The following IGSF21 variants were observed in gnomAD, a reference collection of about 807,000 sequenced individuals.
The protein encoded by IGSF21 is immunoglobin superfamily member 21, also known as immunoglobulin superfamily member 21.
A neutral mutation model predicts 46.8 loss-of-function variants in IGSF21; 28 were observed. The ratio of observed to expected loss-of-function variants is 0.60; its 90% CI spans 0.44 to 0.82. The LOEUF (loss-of-function observed/expected upper bound fraction) is 0.82, where lower values mean the gene tolerates loss of function less well. Ranked by LOEUF, IGSF21 falls within the 40% of genes least tolerant of loss-of-function variation. The pLI, the probability that IGSF21 is intolerant of heterozygous loss-of-function variation, is 0.00. For missense variants in IGSF21, 624 were observed against 665.5 expected (o/e 0.94, Z 0.69); for synonymous variants, 284 against 273.6 (o/e 1.04, Z -0.38).
intron 3 of IGSF21, among the ~76,000 whole-genome samples, chr1:18,328,489 A>G (rs1220191348): frequency 6.6e-6 from 1 of 152,200 alleles, no homozygotes; most frequent in East Asian, 1.9e-4. Context: ...AACCATTGTG[A>G]GTCGGGGACC....
At chr1:18,197,104 A>AGGAGGTGACGTGCTC (rs2087017101) in intron 1 of IGSF21, among the ~76,000 whole-genome samples, 1 of 152,244 alleles carries the variant, frequency 6.6e-6, no homozygotes, top group Non-Finnish European at 1.5e-5. Context: ...GTCTCCTGAA[A>AGGAGGTGACGTGCTC]GGAGGTGACG....
chr1:18,145,211 A>AGG (rs66898613), intron 1 of IGSF21, among the ~76,000 whole-genome samples: 1 of 134,418 alleles, frequency 7.4e-6, no homozygotes, highest in Non-Finnish European at 1.5e-5. Context: ...ATATTTTTTA[A>AGG]AAAGTTATCC....
At chr1:18,312,706 C>A (rs566418504) in intron 3 of IGSF21, among the ~76,000 whole-genome samples, 10 of 152,292 alleles carry the variant, frequency 6.6e-5, no homozygotes, top group Admixed American at 5.2e-4. Context: ...TATATTAGAT[C>A]CTTGTGGGTA....
intron 2 of IGSF21, among the ~76,000 whole-genome samples, chr1:18,282,238 A>C (rs1046464182): frequency 1.3e-5 from 2 of 152,152 alleles, no homozygotes; most frequent in Non-Finnish European, 2.9e-5. Flanking sequence ...ACGCTTGTTA[A>C]AAATGCAGAA....
At chr1:18,168,094 A>G (rs143206705) in intron 1 of IGSF21, among the ~76,000 whole-genome samples, 1 of 148,218 alleles carries the variant, frequency 6.7e-6, no homozygotes, top group African/African-American at 2.5e-5. Flanking sequence ...GTCCAGCAGG[A>G]CCACCCTGCT....
At chr1:18,302,578 C>G (rs146582598) in intron 3 of IGSF21, among the ~76,000 whole-genome samples, 2 of 152,092 alleles carry the variant, frequency 1.3e-5, no homozygotes, top group Non-Finnish European at 2.9e-5. Flanking sequence ...CTTCCTATTG[C>G]GGTGCCCTTT....
Position 18,227,922 on chromosome 1 carries a change from C to A in IGSF21, c.95C>A (p.Pro32His), listed in dbSNP as rs147900515. The change falls in exon 2 of 10, where the codon CCT becomes CAT. Residue 32 changes from proline to histidine, a missense_variant. By Grantham distance (77) the Pro-to-His change is moderately conservative. Transcript: ENST00000251296. Reference sequence around the variant, plus strand: ...GGCTACCTGACAGTCAACATTGAGCCTCTCCCCCCTGTGGTGGCTGGAGAC... The same window carrying A: ...GGCTACCTGACAGTCAACATTGAGCATCTCCCCCCTGTGGTGGCTGGAGAC... ...ARGYLTVNIE[P>H]LPPVVAGDAV... The A allele has an allele frequency of 6.2e-7, 1 of 1,614,016 alleles. No homozygotes were observed. Among genetic ancestry groups the A allele is most frequent in the Non-Finnish European group, 8.5e-7 (1 of 1,179,914 alleles).
intron 1 of IGSF21, among the ~76,000 whole-genome samples, chr1:18,153,360 A>T (rs1251841758): frequency 6.6e-6 from 1 of 152,074 alleles, no homozygotes; most frequent in Non-Finnish European, 1.5e-5. Context: ...TCTTGTCTTC[A>T]CTCCGCAGAG....
chr1:18,223,080 G>A (rs527871107), intron 1 of IGSF21, among the ~76,000 whole-genome samples: 1 of 152,314 alleles, frequency 6.6e-6, no homozygotes, highest in South Asian at 2.1e-4. Context: ...GTTTGTCCTG[G>A]CCTTGGATAA....
intron 8 of IGSF21, 21 bp downstream of exon 8, chr1:18,377,013 G>T: frequency 6.4e-7 from 1 of 1,574,288 alleles, no homozygotes; most frequent in South Asian, 1.2e-5. Flanking sequence ...CTCAACTGGG[G>T]ACTGGGAGAA....
intron 1 of IGSF21, among the ~76,000 whole-genome samples, chr1:18,118,439 C>T (rs1381239157): frequency 2.0e-5 from 3 of 152,206 alleles, no homozygotes; most frequent in Non-Finnish European, 4.4e-5. Flanking sequence ...AGCTGGTGCT[C>T]ACCGCCCGAG....
Position 18,376,403 on chromosome 1 carries a change from T to A in IGSF21, c.1101+8T>A. 6.2e-7 allele frequency: 1 copy of A among 1,606,100 alleles called. No homozygotes were observed. The highest frequency in any genetic ancestry group is 8.5e-7 in the Non-Finnish European group (1 of 1,172,772). ...CTGGTCCATGGGTTTCAGGTCAGCC[T>A]CTCTCTGAGCATCTGGGAGGGTGGT... On this transcript the variant is annotated splice_region_variant and intron_variant, in intron 7 of 9. Coordinates refer to ENST00000251296, the MANE Select transcript of IGSF21 (RefSeq NM_032880.5).
At chr1:18,340,184 T>C (rs1442600923) in intron 4 of IGSF21, among the ~76,000 whole-genome samples, 1 of 152,004 alleles carries the variant, frequency 6.6e-6, no homozygotes, top group Non-Finnish European at 1.5e-5. Context: ...GGCACTGTTG[T>C]GTGCACTGGA....
chr1:18,179,724 G>C (rs1208753269), intron 1 of IGSF21, among the ~76,000 whole-genome samples: 1 of 152,102 alleles, frequency 6.6e-6, no homozygotes, highest in African/African-American at 2.4e-5. Context: ...GTCTCCAGGG[G>C]ATGGCAGAGC....
chr1:18,372,618 T>TTGGATGGA (rs1381516825), intron 6 of IGSF21, among the ~76,000 whole-genome samples: 1 of 85,896 alleles, frequency 1.2e-5, no homozygotes, highest in African/African-American at 3.8e-5. Flanking sequence ...GGGTGGATGT[T>TTGGATGGA]TGGATGGATG....
intron 1 of IGSF21, among the ~76,000 whole-genome samples, chr1:18,210,116 A>T (rs1047089455): frequency 6.6e-6 from 1 of 152,150 alleles, no homozygotes; most frequent in Admixed American, 6.5e-5. Context: ...CAACTGTAAT[A>T]GGCTGATGTT....
rs1361327291 is a variant in IGSF21 at position 18,334,129 on chromosome 1, G to T, written c.306-763G>T. Among the ~76,000 whole-genome samples the T allele has an allele frequency of 6.6e-6, 1 of 152,116 alleles. No individual in the cohort carries two copies. Among genetic ancestry groups the T allele is most frequent in the African/African-American group, 2.4e-5 (1 of 41,402 alleles). ...AAAAGACTGAAAGCAGGTTTGAGGG[G>T]GTCTCTCCCATCCTTAGGGATCACC... On this transcript the variant is annotated intron_variant, in intron 3 of 9. Coordinates refer to ENST00000251296, the MANE Select transcript of IGSF21 (RefSeq NM_032880.5). The surrounding 1 kb of genome is among the most constrained non-coding windows in gnomAD (Gnocchi z 4.3).
intron 4 of IGSF21, among the ~76,000 whole-genome samples, chr1:18,343,864 A>G (rs2085866864): frequency 6.6e-6 from 1 of 151,786 alleles, no homozygotes; most frequent in African/African-American, 2.4e-5. Flanking sequence ...CCTGGCTGTT[A>G]CTCTCCAGCT....
At chr1:18,132,707 A>G (rs11800606) in intron 1 of IGSF21, among the ~76,000 whole-genome samples, 3,445 of 152,190 alleles carry the variant, frequency 0.023, 132 homozygotes, top group African/African-American at 0.078. Flanking sequence ...CACCCAATCC[A>G]TCCTGTGCTC....
Sources: gnomAD v4.1 joint callset for allele counts (sites outside exome capture counted in the v4.1 genomes callset) on GRCh38, gnomAD v4.1.1 for gene constraint, Gnocchi (gnomAD v3.1) non-coding constraint, MANE v1.5 for transcripts, NCBI Gene and HGNC (gene_info 2026-07-23, HGNC 2026-07-21) for gene names.